Variants in KCNA7 observed in about 807,000 individuals in gnomAD.
KCNA7 encodes potassium voltage-gated channel subfamily A member 7, also known as potassium channel, voltage gated shaker related subfamily A, member 7.
KCNA7 carries 15 observed loss-of-function variants against 21.5 expected under a neutral mutation model. The ratio of observed to expected loss-of-function variants is 0.70; its 90% confidence interval spans 0.47 to 1.07. The LOEUF (loss-of-function observed/expected upper bound fraction) is 1.07, where lower values mean the gene tolerates loss of function less well. Among genes scored for constraint, KCNA7 ranks in the 50% least tolerant of loss-of-function variants. The pLI, the probability that KCNA7 is intolerant of heterozygous loss-of-function variation, is 0.00. For synonymous variants in KCNA7, 298 were observed against 291.0 expected (o/e 1.02, Z -0.24); for missense variants, 640 against 651.6 (o/e 0.98, Z 0.19).
chr19:49,069,944 C>G lies in KCNA7; in HGVS notation c.*119G>C. ...CAACAAGACTCAGTGTTTCCCCACT[C>G]GTTACGACTTAACCTAGCTCTTCCT... is the stretch of plus-strand genomic sequence containing the variant. On this transcript the variant is annotated 3_prime_UTR_variant, in exon 2 of 2. Coordinates refer to ENST00000221444, the MANE Select transcript of KCNA7 (RefSeq NM_031886.3). The G allele has an allele frequency of 1.3e-6, 1 of 754,654 alleles. No homozygotes were observed. The highest frequency in any genetic ancestry group is 1.8e-5 in the South Asian group (1 of 56,076). 46.7% of individuals were successfully genotyped at this position (754,654 alleles called of 1,614,324 possible).
At position 49,069,792 on chromosome 19, in the gene KCNA7, A is replaced by G. The variant is rs944789523; in HGVS notation, c.*271T>C. 1.8e-5 allele frequency: 8 copies of G among 451,308 alleles called. No homozygotes were observed. The Admixed American group carries it at 2.4e-4, about 13-fold the overall frequency. The allele number at this position is 451,308 out of a possible 1,614,324, so 28.0% of individuals were successfully genotyped here. A position where few individuals can be genotyped will look rare whatever the true frequency, so the allele number is the denominator to read the frequency against. Reference sequence around the variant, plus strand: ...TCTCAACACTACCCCAAAAGGCTCCATGAGCTTTGCACAACTCAGAGTAAT... The same window carrying G: ...TCTCAACACTACCCCAAAAGGCTCCGTGAGCTTTGCACAACTCAGAGTAAT... On this transcript the variant is annotated 3_prime_UTR_variant, in exon 2 of 2. Transcript: ENST00000221444.
chr19:49,070,008 G>GCCCT lies in KCNA7; in HGVS notation c.*51_*54dup, dbSNP rs1292438599. On this transcript the variant is annotated 3_prime_UTR_variant, in exon 2 of 2. Transcript: ENST00000221444. The surrounding 1 kb of genome is among the most constrained non-coding windows in gnomAD (Gnocchi z 4.3). ...TCCCCCCAGCCTTGCCCTCCACCCTGCCCTCCCTCCCTCCCTCTAGGGAGG... is the reference window on the plus strand; with the variant it reads ...TCCCCCCAGCCTTGCCCTCCACCCTGCCCTCCCTCCCTCCCTCCCTCTAGGGAGG... 4.4e-6 allele frequency: 6 copies of GCCCT among 1,371,188 alleles called. No homozygotes were observed. Among genetic ancestry groups the GCCCT allele is most frequent in the Middle Eastern group, 1.9e-4 (1 of 5,158 alleles). The allele number at this position is 1,371,188 out of a possible 1,614,324, so 84.9% of individuals were successfully genotyped here.
In KCNA7 at chr19:49,070,585, C is replaced by T; in HGVS notation, c.849G>A (p.Val283=). The part of the protein sequence containing the change: ...SLAILRVIRL[V]RVFRIFKLSR... ...ACAGCTTGAAGATGCGGAAGACACG[C>T]ACCAATCGGATGACTCTCAGGATGG... Residue 283 remains valine, a synonymous_variant, in exon 2 of 2, where the codon GTG becomes GTA. Coordinates refer to ENST00000221444, the MANE Select transcript of KCNA7 (RefSeq NM_031886.3). The surrounding 1 kb of genome is among the most constrained non-coding windows in gnomAD (Gnocchi z 4.3). 3.1e-6 allele frequency: 5 copies of T among 1,614,178 alleles called. No individual in the cohort carries two copies. Among genetic ancestry groups the T allele is most frequent in the Non-Finnish European group, 4.2e-6 (5 of 1,180,026 alleles).
At position 49,072,375 on chromosome 19, in the gene KCNA7, A is replaced by G. The variant is rs1273645624; in HGVS notation, c.211T>C (p.Tyr71His). Residue 71 changes from tyrosine (Y) to histidine (H), a missense_variant, in exon 1 of 2, where the codon TAC becomes CAC. Transcript: ENST00000221444. ...CGCAGCCGCCCACCGGACTGGTAGT[A>G]GTAGAGCACGGCGTCGAAGCTGGGC... ...HRPSFDAVLY[Y>H]YQSGGRLRRP... The G allele has an allele frequency of 5.0e-6, 8 of 1,592,394 alleles. No homozygotes were observed. Among genetic ancestry groups the G allele is most frequent in the Non-Finnish European group, 6.0e-6 (7 of 1,174,766 alleles).
chr19:49,070,325 C>T lies in KCNA7; in HGVS notation c.1109G>A (p.Gly370Asp), dbSNP rs1312851851. The T allele has an allele frequency of 3.7e-6, 6 of 1,614,164 alleles. No individual in the cohort carries two copies. The highest frequency in any genetic ancestry group is 5.1e-6 in the Non-Finnish European group (6 of 1,180,038). Residue 370 changes from glycine to aspartate, a missense_variant, in exon 2 of 2, where the codon GGT becomes GAT. By Grantham distance (94) the Gly-to-Asp change is moderately conservative (BLOSUM62 -1). Coordinates refer to ENST00000221444, the MANE Select transcript of KCNA7 (RefSeq NM_031886.3). This position sits in a 1 kb window ranked among gnomAD's most constrained non-coding sequence, Gnocchi z 4.3. ...ACACAGAGAGCCCACTATCTTGCCA[C>T]CCACAGTGACGGGTGCCATGTCTCC... is the stretch of plus-strand genomic sequence containing the variant. ...GYGDMAPVTV[G>D]GKIVGSLCAI...
rs566938425 is a variant in KCNA7 at position 49,068,044 on chromosome 19, T to C, written c.*2019A>G. 2.0e-5 allele frequency: 3 copies of C among 150,520 alleles called. No homozygotes were observed. Among genetic ancestry groups the C allele is most frequent in the South Asian group, 2.1e-4 (1 of 4,748 alleles). 9.3% of individuals were successfully genotyped at this position (150,520 alleles called of 1,614,324 possible). A position where few individuals can be genotyped will look rare whatever the true frequency, so the allele number is the denominator to read the frequency against. On this transcript the variant is annotated 3_prime_UTR_variant, in exon 2 of 2. Transcript: ENST00000221444. ...CCTCCCGAGTAGCTGGGACTACAGG[T>C]GCCCGCCACCGCACCCGGCTAATTT...
In KCNA7 at chr19:49,068,302, C is replaced by G. The variant is rs1275894951; in HGVS notation, c.*1761G>C. 1 of 151,384 alleles carries G rather than the reference C, an allele frequency of 6.6e-6. No homozygotes were observed. Among genetic ancestry groups the G allele is most frequent in the East Asian group, 2.0e-4 (1 of 5,028 alleles). The allele number at this position is 151,384 out of a possible 1,614,324, so 9.4% of individuals were successfully genotyped here. On this transcript the variant is annotated 3_prime_UTR_variant, in exon 2 of 2. Transcript: ENST00000221444. ...GCCCTCTGGGTCTCTGTCCCTCCCT[C>G]CCCCACTGGCTCTTTTTGTTTGTTT...
Position 49,070,883 on chromosome 19 carries a change from A to C in KCNA7, c.556-5T>G, listed in dbSNP as rs370054942. ...GCCATTCAGCGGAGCGGGGAACTGC[A>C]GGGAGGAAAGTGTTCAGGGAGGGTC... On this transcript the variant is annotated splice_region_variant and splice_polypyrimidine_tract_variant and intron_variant, in intron 1 of 1. Coordinates refer to ENST00000221444, the MANE Select transcript of KCNA7 (RefSeq NM_031886.3). This position sits in a 1 kb window ranked among gnomAD's most constrained non-coding sequence, Gnocchi z 4.3. The C allele has an allele frequency of 2.1e-5, 33 of 1,607,842 alleles. No homozygotes were observed. The highest frequency in any genetic ancestry group is 2.7e-5 in the African/African-American group (2 of 74,822).
rs759976666 is a variant in KCNA7 at position 49,070,794 on chromosome 19, T to A, written c.640A>T (p.Thr214Ser). The A allele has an allele frequency of 5.6e-6, 9 of 1,613,838 alleles. No individual in the cohort carries two copies. Among genetic ancestry groups the A allele is most frequent in the Non-Finnish European group, 7.6e-6 (9 of 1,179,976 alleles). Reference protein sequence around the residue: ...PFNDPFFVVETLCICWFSFEL... With the variant: ...PFNDPFFVVESLCICWFSFEL... ...AAGGAGAACCAACAAATACACAGCG[T>A]CTCCACCACGAAGAACGGGTCATTG... Residue 214 changes from threonine to serine, a missense_variant, in exon 2 of 2, where the codon ACG becomes TCG. Transcript: ENST00000221444. This position sits in a 1 kb window ranked among gnomAD's most constrained non-coding sequence, Gnocchi z 4.3.
chr19:49,071,658 G>A (rs1044066922), intron 1 of KCNA7, among the ~76,000 whole-genome samples: 1 of 151,510 alleles, frequency 6.6e-6, no homozygotes, highest in Non-Finnish European at 1.5e-5. Context: ...TCCTACTGTC[G>A]CCCCTCGGGC....
chr19:49,070,958 A>T lies in KCNA7; in HGVS notation c.556-80T>A. 1 of 1,240,250 alleles carries T rather than the reference A, an allele frequency of 8.1e-7. No individual in the cohort carries two copies. Among genetic ancestry groups the T allele is most frequent in the Non-Finnish European group, 1.1e-6 (1 of 897,816 alleles). 76.8% of individuals were successfully genotyped at this position (1,240,250 alleles called of 1,614,324 possible). ...AGCCTTAATCATCATTTAAATACCCAGCTCCTCTTTACACATTGGTCAGTA... is the reference window on the plus strand; with the variant it reads ...AGCCTTAATCATCATTTAAATACCCTGCTCCTCTTTACACATTGGTCAGTA... On this transcript the variant is annotated intron_variant, in intron 1 of 1. Coordinates refer to ENST00000221444, the MANE Select transcript of KCNA7 (RefSeq NM_031886.3). The surrounding 1 kb of genome is among the most constrained non-coding windows in gnomAD (Gnocchi z 4.3).
In KCNA7 at chr19:49,070,631, C is replaced by T. The variant is rs1474951294; in HGVS notation, c.803G>A (p.Gly268Asp). The stretch of plus-strand genomic sequence containing the variant: ...GATGGCCAGTGACATGGCCTGCTGG[C>T]CCACCCCTCGCTGCCGGGCCAGCTC... ...GTELARQRGV[G>D]QQAMSLAILR... Residue 268 changes from glycine (G) to aspartate (D), a missense_variant, in exon 2 of 2, where the codon GGC becomes GAC. Coordinates refer to ENST00000221444, the MANE Select transcript of KCNA7 (RefSeq NM_031886.3). This position sits in a 1 kb window ranked among gnomAD's most constrained non-coding sequence, Gnocchi z 4.3. The T allele has an allele frequency of 9.3e-6, 15 of 1,614,184 alleles. No individual in the cohort carries two copies. The highest frequency in any genetic ancestry group is 6.6e-5 in the South Asian group (6 of 91,084).
In KCNA7 at chr19:49,070,278, TAGTC is replaced by T. The variant is rs753399863; in HGVS notation, c.1152_1155del (p.Thr385PhefsTer128). 79 of 1,614,030 alleles carry T rather than the reference TAGTC, an allele frequency of 4.9e-5. 1 individual carries two copies. Among genetic ancestry groups the T allele is most frequent in the East Asian group, 1.8e-4 (8 of 44,868 alleles). On this transcript the variant is annotated frameshift_variant, in exon 2 of 2. Transcript: ENST00000221444. LOFTEE classifies it high-confidence loss of function. This position sits in a 1 kb window ranked among gnomAD's most constrained non-coding sequence, Gnocchi z 4.3. ...ACAATGACGGGCACTGGCAGGGAAA[TAGTC>T]AGCACGCCCGCAATGGCACACAGAG...
chr19:49,070,817 T>C lies in KCNA7; in HGVS notation c.617A>G (p.Asn206Ser), dbSNP rs778297707. 8 of 1,614,014 alleles carry C rather than the reference T, an allele frequency of 5.0e-6. No homozygotes were observed. The Admixed American group carries it at 1.3e-4, about 27-fold the overall frequency. The change falls in exon 2 of 2, where the codon AAT becomes AGT. Residue 206 changes from asparagine (N) to serine (S), a missense_variant. Coordinates refer to ENST00000221444, the MANE Select transcript of KCNA7 (RefSeq NM_031886.3). The surrounding 1 kb of genome is among the most constrained non-coding windows in gnomAD (Gnocchi z 4.3). ...CGTCTCCACCACGAAGAACGGGTCA[T>C]TGAAGGGCAGGCGGGGTGGATTTCC... ...MPGNPPRLPF[N>S]DPFFVVETLC...
rs550824093 is a variant in KCNA7, at chr19:49,072,666, C to G, written c.-81G>C. On this transcript the variant is annotated 5_prime_UTR_variant, in exon 1 of 2. Transcript: ENST00000221444. ...CGGTGCGGCCCCGCCTCGGCCGCCTCGGCCGCCGCCGCCGCCGCCCCAGCC... is the reference window on the plus strand; with the variant it reads ...CGGTGCGGCCCCGCCTCGGCCGCCTGGGCCGCCGCCGCCGCCGCCCCAGCC... 2.5e-5 allele frequency: 23 copies of G among 920,220 alleles called. No individual in the cohort carries two copies. The highest frequency in any genetic ancestry group is 2.9e-5 in the Non-Finnish European group (22 of 771,754). The allele number at this position is 920,220 out of a possible 1,614,324, so 57.0% of individuals were successfully genotyped here.
rs2040269263 is a variant in KCNA7 at position 49,072,648 on chromosome 19, G to T, written c.-63C>A. Reference sequence around the variant, plus strand: ...GGCCCCGACGCCCGGCCCCGGTGCGGCCCCGCCTCGGCCGCCTCGGCCGCC... The same window carrying T: ...GGCCCCGACGCCCGGCCCCGGTGCGTCCCCGCCTCGGCCGCCTCGGCCGCC... On this transcript the variant is annotated 5_prime_UTR_variant, in exon 1 of 2. Coordinates refer to ENST00000221444, the MANE Select transcript of KCNA7 (RefSeq NM_031886.3). 4 of 991,730 alleles carry T rather than the reference G, an allele frequency of 4.0e-6. No homozygotes were observed. Among genetic ancestry groups the T allele is most frequent in the Non-Finnish European group, 4.8e-6 (4 of 832,216 alleles). 61.4% of individuals were successfully genotyped at this position (991,730 alleles called of 1,614,324 possible).
rs1946822957 is a variant in KCNA7, at chr19:49,070,810, CG to C, written c.623del (p.Pro208ArgfsTer34). 1 of 1,614,160 alleles carries C rather than the reference CG, an allele frequency of 6.2e-7. No homozygotes were observed. The highest frequency in any genetic ancestry group is 1.7e-5 in the Admixed American group (1 of 60,022). ...GNPPRLPFNDPFFVVETLCIC... is the reference protein window; with the variant it reads ...GNPPRLPFNDXFFVVETLCIC... Reference sequence around the variant, plus strand: ...TACACAGCGTCTCCACCACGAAGAACGGGTCATTGAAGGGCAGGCGGGGTGG... The same window carrying C: ...TACACAGCGTCTCCACCACGAAGAACGGTCATTGAAGGGCAGGCGGGGTGG... On this transcript the variant is annotated frameshift_variant, in exon 2 of 2. Transcript: ENST00000221444. LOFTEE classifies it high-confidence loss of function. This position sits in a 1 kb window ranked among gnomAD's most constrained non-coding sequence, Gnocchi z 4.3.
rs1436421908 is a variant in KCNA7 at position 49,070,604 on chromosome 19, A to G, written c.830T>C (p.Leu277Pro). The G allele has an allele frequency of 6.2e-7, 1 of 1,614,160 alleles. No homozygotes were observed. Reference protein sequence around the residue: ...VGQQAMSLAILRVIRLVRVFR... With the variant: ...VGQQAMSLAIPRVIRLVRVFR... ...GACACGCACCAATCGGATGACTCTC[A>G]GGATGGCCAGTGACATGGCCTGCTG... The change falls in exon 2 of 2, where the codon CTG becomes CCG. Residue 277 changes from leucine (L) to proline (P), a missense_variant. By Grantham distance (98) the Leu-to-Pro change is moderately conservative. Coordinates refer to ENST00000221444, the MANE Select transcript of KCNA7 (RefSeq NM_031886.3). This position sits in a 1 kb window ranked among gnomAD's most constrained non-coding sequence, Gnocchi z 4.3.
At chr19:49,071,929 C>T in intron 1 of KCNA7, 102 bp downstream of exon 1, 1 of 1,198,802 alleles carries the variant, frequency 8.3e-7, no homozygotes, top group East Asian at 2.7e-5. Flanking sequence ...TGGCCCACCC[C>T]TCGCAGCCCC....
Sources: allele counts gnomAD v4.1 joint callset (sites outside exome capture counted in the v4.1 genomes callset), GRCh38; gene constraint gnomAD v4.1.1; non-coding constraint Gnocchi (gnomAD v3.1); transcripts MANE v1.5; gene names NCBI Gene and HGNC (gene_info 2026-07-23, HGNC 2026-07-21).